ZNRF2: variants seen among roughly 807,000 people sequenced by gnomAD.
The protein encoded by ZNRF2 is zinc and ring finger 2.
Under a neutral mutation model 20.4 loss-of-function variants are expected in ZNRF2, and 16 were observed. That is an observed-to-expected ratio of 0.79 (90% confidence interval 0.53 to 1.19). The LOEUF is 1.19. ZNRF2 is among the 50% of genes most tolerant of loss of function. The probability of loss-of-function intolerance (pLI) is 0.00; values close to 1 mark genes in which losing one functional copy is unlikely to be tolerated. For missense variants in ZNRF2, 363 were observed against 332.4 expected, an observed-to-expected ratio of 1.09 and a Z score of -0.72; for synonymous variants, 178 against 144.9, an observed-to-expected ratio of 1.23 and a Z score of -1.64.
At chr7:30,295,002 AGAGGGAGGGAAG>A (rs1242529680) in intron 1 of ZNRF2, among the ~76,000 whole-genome samples, 1 of 142,976 alleles carries the variant, frequency 7.0e-6, no homozygotes, top group Non-Finnish European at 1.5e-5. Flanking sequence ...ACAGAGAGAG[AGAGGGAGGGAAG>A]GAGAGAGAGA....
chr7:30,349,363 T>C (rs1799929917), intron 2 of ZNRF2, among the ~76,000 whole-genome samples: 1 of 152,182 alleles, frequency 6.6e-6, no homozygotes, highest in African/African-American at 2.4e-5. Flanking sequence ...GCAGGTTTTA[T>C]CATTATTACC....
intron 1 of ZNRF2, among the ~76,000 whole-genome samples, chr7:30,301,212 G>A (rs1385365818): frequency 2.0e-5 from 3 of 152,200 alleles, no homozygotes; most frequent in African/African-American, 4.8e-5. Flanking sequence ...GCCAGGTGCC[G>A]TGGCTCAAGC....
chr7:30,293,477 G>A (rs1798949890), intron 1 of ZNRF2, among the ~76,000 whole-genome samples: 1 of 152,068 alleles, frequency 6.6e-6, no homozygotes, highest in African/African-American at 2.4e-5. Context: ...TTGAGCTCTT[G>A]GCCTCAAGTG....
Position 30,285,337 on chromosome 7 carries a change from C to T in ZNRF2, c.-21C>T. On this transcript the variant is annotated 5_prime_UTR_variant, in exon 1 of 5. Coordinates refer to ENST00000323037, the MANE Select transcript of ZNRF2 (RefSeq NM_147128.4). ...GGCTCTCGGGGCGCAGCGCGCGGGC[C>T]CGGCCCGGGGCAGGGCGGACATGGG... 9.0e-7 allele frequency: 1 copy of T among 1,106,780 alleles called. No homozygotes were observed. The allele number at this position is 1,106,780 out of a possible 1,614,324, so 68.6% of individuals were successfully genotyped here.
Position 30,285,316 on chromosome 7 carries a change from C to T in ZNRF2, c.-42C>T. 4.7e-6 allele frequency: 5 copies of T among 1,071,108 alleles called. No homozygotes were observed. The highest frequency in any genetic ancestry group is 5.6e-6 in the Non-Finnish European group (5 of 888,774). 66.4% of individuals were successfully genotyped at this position (1,071,108 alleles called of 1,614,324 possible). ...CGCGCTCGCTCCCGCCCTCCCGGCTCTCGGGGCGCAGCGCGCGGGCCCGGC... is the reference window on the plus strand; with the variant it reads ...CGCGCTCGCTCCCGCCCTCCCGGCTTTCGGGGCGCAGCGCGCGGGCCCGGC... On this transcript the variant is annotated 5_prime_UTR_variant, in exon 1 of 5. Transcript: ENST00000323037.
intron 2 of ZNRF2, among the ~76,000 whole-genome samples, chr7:30,335,311 GAA>G (rs1174612724): frequency 6.6e-6 from 1 of 152,080 alleles, no homozygotes; most frequent in African/African-American, 2.4e-5. Context: ...TAAAAGGAAA[GAA>G]GAGAGAAAAC....
chr7:30,325,931 A>G (rs1799543647), intron 2 of ZNRF2, among the ~76,000 whole-genome samples: 1 of 152,166 alleles, frequency 6.6e-6, no homozygotes, highest in Non-Finnish European at 1.5e-5. Context: ...TACCTGCTCC[A>G]CTATCTTATA....
In ZNRF2 at chr7:30,357,781, A is replaced by G. The variant is rs565019160; in HGVS notation, c.671+1948A>G. On this transcript the variant is annotated intron_variant, in intron 3 of 4. Transcript: ENST00000323037. ...TTCTACCAGATATCCAAAGAACACC[A>G]TGCTAACAACCTTAGATTCTTCCAA... Among the ~76,000 whole-genome samples, 24 of 152,286 alleles carry G rather than the reference A, an allele frequency of 1.6e-4. No individual in the cohort carries two copies. The South Asian group carries it at 3.9e-3, about 25-fold the overall frequency.
In ZNRF2 at chr7:30,355,802, C is replaced by T. The variant is rs767981100; in HGVS notation, c.640C>T (p.Arg214Ter). 1.2e-6 allele frequency: 2 copies of T among 1,613,178 alleles called. No homozygotes were observed. Among genetic ancestry groups the T allele is most frequent in the African/African-American group, 1.3e-5 (1 of 74,904 alleles). Residue 214 changes from arginine (R) to a stop codon, truncating the protein, a stop_gained, in exon 3 of 5, where the codon CGA becomes TGA. Transcript: ENST00000323037. LOFTEE classifies it high-confidence loss of function. ...ATTGCAGCAGGGAGATACTATAGCA[C>T]GACTGCCTTGTCTATGCATATATCA... ...EELQQGDTIA[R>*]LPCLCIYHKG... is the part of the protein sequence containing the mutation.
chr7:30,350,648 A>G (rs980023709), intron 2 of ZNRF2, among the ~76,000 whole-genome samples: 1 of 152,080 alleles, frequency 6.6e-6, no homozygotes, highest in Non-Finnish European at 1.5e-5. Context: ...TATAAGAGAT[A>G]ACTTAATATC....
At chr7:30,292,689 A>G (rs1798932756) in intron 1 of ZNRF2, among the ~76,000 whole-genome samples, 1 of 152,108 alleles carries the variant, frequency 6.6e-6, no homozygotes, top group Admixed American at 6.5e-5. Flanking sequence ...GCAAGTCATG[A>G]GGATCTCTGG....
chr7:30,355,602 A>G, intron 2 of ZNRF2, 126 bp from the exon 3 acceptor site: 1 of 642,534 alleles, frequency 1.6e-6, no homozygotes, highest in Non-Finnish European at 2.7e-6. Context: ...AGTTTTATGT[A>G]TTTCTGGCGA....
In ZNRF2 at chr7:30,362,419, G is replaced by GC; in HGVS notation, c.715dup (p.His239ProfsTer45). 1 of 1,599,074 alleles carries GC rather than the reference G, an allele frequency of 6.3e-7. No individual in the cohort carries two copies. Among genetic ancestry groups the GC allele is most frequent in the Non-Finnish European group, 8.5e-7 (1 of 1,170,536 alleles). On this transcript the variant is annotated frameshift_variant, in exon 4 of 5. Coordinates refer to ENST00000323037, the MANE Select transcript of ZNRF2 (RefSeq NM_147128.4). LOFTEE classifies it high-confidence loss of function. The stretch of plus-strand genomic sequence containing the variant: ...TTGAAGTAAATAGATCTTGCCCTGA[G>GC]CACCCTTCAGATTAAGCGTCAGCTT...
At chr7:30,289,318 C>G (rs568157512) in intron 1 of ZNRF2, among the ~76,000 whole-genome samples, 160 of 152,156 alleles carry the variant, frequency 1.1e-3, no homozygotes, top group Non-Finnish European at 1.2e-3. Context: ...AGGAAGATTT[C>G]TCTTAATTTT....
intron 1 of ZNRF2, among the ~76,000 whole-genome samples, chr7:30,293,757 A>G (rs961398871): frequency 3.9e-5 from 6 of 152,210 alleles, no homozygotes; most frequent in Non-Finnish European, 5.9e-5. Flanking sequence ...ATTTCGAGTA[A>G]TGTCACCTAT....
chr7:30,356,515 A>G (rs42579), intron 3 of ZNRF2, among the ~76,000 whole-genome samples: 10,723 of 152,132 alleles, frequency 0.07, 474 homozygotes, highest in African/African-American at 0.11. Flanking sequence ...TAGTTGATAA[A>G]CAACACATTT....
At chr7:30,365,698 A>G (rs1008676952) in intron 4 of ZNRF2, among the ~76,000 whole-genome samples, 6 of 152,232 alleles carry the variant, frequency 3.9e-5, no homozygotes, top group African/African-American at 1.4e-4. Flanking sequence ...ATCCTTCAGC[A>G]TAAGAATTTA....
At chr7:30,317,839 A>C (rs777289169) in intron 1 of ZNRF2, among the ~76,000 whole-genome samples, 19 of 152,194 alleles carry the variant, frequency 1.2e-4, no homozygotes, top group Non-Finnish European at 2.2e-4. Flanking sequence ...CTGTTATCAG[A>C]GATGGAATGA....
intron 3 of ZNRF2, among the ~76,000 whole-genome samples, chr7:30,358,843 A>G (rs1411834773): frequency 6.6e-6 from 1 of 152,154 alleles, no homozygotes; most frequent in Non-Finnish European, 1.5e-5. Context: ...TCTCTGTGTG[A>G]TCTTGGTCAA....
Sources: allele counts gnomAD v4.1 joint callset (sites outside exome capture counted in the v4.1 genomes callset), GRCh38; gene constraint gnomAD v4.1.1; transcripts MANE v1.5; gene names NCBI Gene and HGNC (gene_info 2026-07-23, HGNC 2026-07-21).